RSU1: variants seen among roughly 807,000 people sequenced by gnomAD.
The protein encoded by RSU1 is rsu-1.
RSU1 carries 26 observed loss-of-function variants against 31.1 expected under a neutral mutation model. That is an observed-to-expected ratio of 0.84 (90% CI 0.61 to 1.16). The LOEUF (loss-of-function observed/expected upper bound fraction) is 1.16. RSU1 is among the 50% of genes most tolerant of loss of function. RSU1 has a pLI of 0.00. For synonymous variants in RSU1, 164 were observed against 136.3 expected, an observed-to-expected ratio of 1.20 and a Z score of -1.41; for missense variants, 320 against 339.1, an observed-to-expected ratio of 0.94 and a Z score of 0.44.
chr10:16,658,711 G>A (rs1834833818), intron 8 of RSU1, among the ~76,000 whole-genome samples: 1 of 152,194 alleles, frequency 6.6e-6, no homozygotes, highest in African/African-American at 2.4e-5. Context: ...GTGACAGAGT[G>A]AGACCCCATC....
intron 6 of RSU1, 123 bp downstream of exon 6, chr10:16,752,795 C>G: frequency 9.7e-7 from 1 of 1,028,110 alleles, no homozygotes; most frequent in East Asian, 2.5e-5. Context: ...TCAAGAAACA[C>G]TATCAGGAGT....
At chr10:16,812,090 G>T (rs948697505) in intron 2 of RSU1, among the ~76,000 whole-genome samples, 1 of 152,160 alleles carries the variant, frequency 6.6e-6, no homozygotes, top group Non-Finnish European at 1.5e-5. Context: ...GCCAAGAAGC[G>T]GCGTGTTTAA....
chr10:16,764,109 G>C (rs1837263226), intron 4 of RSU1, among the ~76,000 whole-genome samples: 1 of 152,112 alleles, frequency 6.6e-6, no homozygotes, highest in Admixed American at 6.5e-5. Flanking sequence ...TTCTCGGTCA[G>C]CAGAACTGAG....
intron 2 of RSU1, among the ~76,000 whole-genome samples, chr10:16,813,035 G>C (rs1838440754): frequency 6.7e-6 from 1 of 149,760 alleles, no homozygotes; most frequent in Non-Finnish European, 1.5e-5. Context: ...CTAGTAACAC[G>C]ATCATAGCTC....
chr10:16,650,687 C>G (rs12255272), intron 8 of RSU1, among the ~76,000 whole-genome samples: 1,775 of 149,558 alleles, frequency 0.012, 30 homozygotes, highest in African/African-American at 0.041. Flanking sequence ...TCACGCCATT[C>G]TCCTGCCTCA....
At chr10:16,645,499 A>C (rs1437006053) in intron 8 of RSU1, among the ~76,000 whole-genome samples, 1 of 152,142 alleles carries the variant, frequency 6.6e-6, no homozygotes, top group Non-Finnish European at 1.5e-5. Context: ...TTCATCTCTC[A>C]TAAATCAAAG....
chr10:16,787,413 G>A lies in RSU1; in HGVS notation c.110-5329C>T, dbSNP rs547643517. Among the ~76,000 whole-genome samples the A allele has an allele frequency of 7.2e-5, 11 of 152,114 alleles. No homozygotes were observed. In the East Asian group the frequency reaches 2.1e-3, roughly 29 times the overall value. The stretch of plus-strand genomic sequence containing the variant: ...GCCCTCCTCACTCTGCCTGGGCCCC[G>A]ACTTGCCCAACCCGCACGGCTGCTC... On this transcript the variant is annotated intron_variant, in intron 2 of 8. Coordinates refer to ENST00000345264, the MANE Select transcript of RSU1 (RefSeq NM_012425.4).
intron 8 of RSU1, among the ~76,000 whole-genome samples, chr10:16,597,218 G>T (rs909631298): frequency 2.0e-5 from 3 of 152,230 alleles, no homozygotes; most frequent in Non-Finnish European, 2.9e-5. Context: ...TGAGGTGGGT[G>T]TTCAGCTTGG....
At chr10:16,612,398 A>G (rs1414825852) in intron 8 of RSU1, among the ~76,000 whole-genome samples, 1 of 152,180 alleles carries the variant, frequency 6.6e-6, no homozygotes, top group Non-Finnish European at 1.5e-5. Flanking sequence ...TGCCAAAGAC[A>G]ATCACCAAGA....
intron 8 of RSU1, among the ~76,000 whole-genome samples, chr10:16,650,611 C>T (rs564464297): frequency 6.9e-6 from 1 of 145,264 alleles, no homozygotes; most frequent in South Asian, 2.2e-4. Context: ...ACAGAATCTC[C>T]CTCTGTCTCC....
intron 2 of RSU1, among the ~76,000 whole-genome samples, chr10:16,785,866 T>C (rs1837781739): frequency 6.6e-6 from 1 of 152,146 alleles, no homozygotes; most frequent in South Asian, 2.1e-4. Flanking sequence ...TTAGTAAATT[T>C]GGGAAAAGGA....
At chr10:16,615,658 A>G (rs996439152) in intron 8 of RSU1, among the ~76,000 whole-genome samples, 24 of 152,366 alleles carry the variant, frequency 1.6e-4, no homozygotes, top group Non-Finnish European at 3.5e-4. Context: ...AGCATGTGCA[A>G]AAGAATGAAA....
rs1201891471 is a variant in RSU1 at position 16,772,241 on chromosome 10, T to C, written c.161-7731A>G. On this transcript the variant is annotated intron_variant, in intron 3 of 8. Coordinates refer to ENST00000345264, the MANE Select transcript of RSU1 (RefSeq NM_012425.4). ...AAAGCCAAACATGCAAAAATGTATG[T>C]TCCTGAGCTATAAAAAGTATGTATG... 3.3e-5 allele frequency among the ~76,000 whole-genome samples: 5 copies of C among 152,234 alleles called. No individual in the cohort carries two copies. The East Asian group carries it at 7.7e-4, about 23-fold the overall frequency.
intron 7 of RSU1, among the ~76,000 whole-genome samples, chr10:16,704,145 T>C (rs1032432941): frequency 2.0e-5 from 3 of 152,306 alleles, no homozygotes; most frequent in Admixed American, 1.3e-4. Context: ...TTAAATCTAT[T>C]TTGAGTACTG....
intron 2 of RSU1, among the ~76,000 whole-genome samples, chr10:16,796,597 T>C (rs1187384270): frequency 3.3e-5 from 5 of 152,132 alleles, no homozygotes; most frequent in Admixed American, 6.5e-5. Flanking sequence ...AAGTATGAAA[T>C]TGTCAAACTG....
intron 8 of RSU1, among the ~76,000 whole-genome samples, chr10:16,612,619 GA>G (rs1833911462): frequency 1.3e-5 from 2 of 152,314 alleles, no homozygotes; most frequent in South Asian, 4.1e-4. Flanking sequence ...ACTCTGCAGT[GA>G]AAATGTCATT....
At chr10:16,679,587 T>C (rs932480461) in intron 8 of RSU1, among the ~76,000 whole-genome samples, 11 of 152,230 alleles carry the variant, frequency 7.2e-5, no homozygotes, top group Admixed American at 4.6e-4. Context: ...ACTGGGCATT[T>C]AATAGGTAAA....
chr10:16,697,866 T>C (rs1398784913), intron 7 of RSU1, among the ~76,000 whole-genome samples: 1 of 152,030 alleles, frequency 6.6e-6, no homozygotes, highest in African/African-American at 2.4e-5. Flanking sequence ...ATGAGAAATA[T>C]AGTCGGAACT....
At chr10:16,741,487 A>G (rs1327164679) in intron 7 of RSU1, among the ~76,000 whole-genome samples, 2 of 152,184 alleles carry the variant, frequency 1.3e-5, no homozygotes, top group East Asian at 3.8e-4. Flanking sequence ...AAAACACTGA[A>G]TTGTACACTT....
Sources: allele counts gnomAD v4.1 joint callset (sites outside exome capture counted in the v4.1 genomes callset), GRCh38; gene constraint gnomAD v4.1.1; transcripts MANE v1.5; gene names NCBI Gene and HGNC (gene_info 2026-07-23, HGNC 2026-07-21).